CLIC1: variants seen among roughly 807,000 people sequenced by gnomAD.
CLIC1 encodes CLIC family member 1.
CLIC1 carries 16 observed loss-of-function variants against 26.4 expected under a neutral mutation model. The observed-to-expected ratio is 0.61, with a 90% CI of 0.41 to 0.92. CLIC1 has a LOEUF of 0.92. Ranked by LOEUF, CLIC1 falls within the 40% of genes least tolerant of loss-of-function variation. The pLI is 0.00. For synonymous variants in CLIC1, 98 were observed against 120.8 expected (o/e 0.81, Z 1.24); for missense variants, 225 against 289.7 (o/e 0.78, Z 1.62).
In CLIC1 at chr6:31,734,090, G is replaced by A. The variant is rs1808174561; in HGVS notation, c.149+64C>T. On this transcript the variant is annotated intron_variant, in intron 2 of 5. Transcript: ENST00000375784. The surrounding 1 kb of genome is among the most constrained non-coding windows in gnomAD (Gnocchi z 5.3). ...AAAATGTTCATGACAGAAGGACTCG[G>A]GTGGGTGTGTGTTTGCACACATGTG... 6.3e-7 allele frequency: 1 copy of A among 1,580,510 alleles called. No individual in the cohort carries two copies. Among genetic ancestry groups the A allele is most frequent in the South Asian group, 1.1e-5 (1 of 90,432 alleles).
At position 31,732,210 on chromosome 6, in the gene CLIC1, C is replaced by G; in HGVS notation, c.564+7G>C. ...GGTCATCCTCTCCTCCCGCAATAAC[C>G]ACACACCTGTACTATGTGTAACTTT... On this transcript the variant is annotated splice_region_variant and intron_variant, in intron 5 of 5. Transcript: ENST00000375784. This position sits in a 1 kb window ranked among gnomAD's most constrained non-coding sequence, Gnocchi z 5.0. 1 of 1,465,964 alleles carries G rather than the reference C, an allele frequency of 6.8e-7. No homozygotes were observed. Among genetic ancestry groups the G allele is most frequent in the Non-Finnish European group, 9.1e-7 (1 of 1,100,856 alleles). 90.8% of individuals were successfully genotyped at this position (1,465,964 alleles called of 1,614,324 possible). A position where few individuals can be genotyped will look rare whatever the true frequency, so the allele number is the denominator to read the frequency against.
In CLIC1 at chr6:31,730,889, C is replaced by T; in HGVS notation, c.679G>A (p.Glu227Lys). The change falls in exon 6 of 6, where the codon GAG becomes AAG. Residue 227 changes from glutamate to lysine, a missense_variant. Coordinates refer to ENST00000375784, the Ensembl canonical transcript of CLIC1. This position sits in a 1 kb window ranked among gnomAD's most constrained non-coding sequence, Gnocchi z 5.1. ...TGCTCATAGGCGAGCTCGATCTCCT[C>T]ATCATCTGGACAGGTGGAAGCGAAT... 1 of 1,613,112 alleles carries T rather than the reference C, an allele frequency of 6.2e-7. No individual in the cohort carries two copies. Among genetic ancestry groups the T allele is most frequent in the East Asian group, 2.2e-5 (1 of 44,888 alleles).
chr6:31,730,720 C>T lies in CLIC1; in HGVS notation c.*122G>A, dbSNP rs1354545668. 7 of 1,047,686 alleles carry T rather than the reference C, an allele frequency of 6.7e-6. No homozygotes were observed. The highest frequency in any genetic ancestry group is 4.8e-5 in the African/African-American group (3 of 63,036). The allele number at this position is 1,047,686 out of a possible 1,614,324, so 64.9% of individuals were successfully genotyped here. A position where few individuals can be genotyped will look rare whatever the true frequency, so the allele number is the denominator to read the frequency against. On this transcript the variant is annotated 3_prime_UTR_variant, in exon 6 of 6. Transcript: ENST00000375784. The surrounding 1 kb of genome is among the most constrained non-coding windows in gnomAD (Gnocchi z 5.1). ...CCTCTTCCACCACACCATCCCGGAA[C>T]AAGTGCTCCAGGATTCCCTGCCCAC...
In CLIC1 at chr6:31,736,221, C is replaced by G; in HGVS notation, c.39+41G>C. Reference sequence around the variant, plus strand: ...GGACCGGGGGAAAGGTGAGAGTTGGCTTCCAGGAATTTGGGTGGCTGAGGA... The same window carrying G: ...GGACCGGGGGAAAGGTGAGAGTTGGGTTCCAGGAATTTGGGTGGCTGAGGA... On this transcript the variant is annotated intron_variant, in intron 1 of 5. Transcript: ENST00000375784. This position sits in a 1 kb window ranked among gnomAD's most constrained non-coding sequence, Gnocchi z 5.0. 6.2e-7 allele frequency: 1 copy of G among 1,608,674 alleles called. No homozygotes were observed. Among genetic ancestry groups the G allele is most frequent in the Admixed American group, 1.7e-5 (1 of 59,966 alleles).
rs779934196 is a variant in CLIC1 at position 31,730,771 on chromosome 6, G to C, written c.*71C>G. The C allele has an allele frequency of 2.0e-6, 3 of 1,535,608 alleles. No individual in the cohort carries two copies. Among genetic ancestry groups the C allele is most frequent in the Non-Finnish European group, 2.7e-6 (3 of 1,116,202 alleles). ...TGGCCATTTTGGAGTGTGTCCATTG[G>C]GTAGCAATGTGGAAACCACCAGGGC... On this transcript the variant is annotated 3_prime_UTR_variant, in exon 6 of 6. Transcript: ENST00000375784. The surrounding 1 kb of genome is among the most constrained non-coding windows in gnomAD (Gnocchi z 5.1).
At chr6:31,735,805 AT>A (rs1177291841) in intron 1 of CLIC1, among the ~76,000 whole-genome samples, 1 of 119,670 alleles carries the variant, frequency 8.4e-6, no homozygotes, top group East Asian at 2.4e-4. Flanking sequence ...AAGCGTCTCC[AT>A]CCACACACAC....
In CLIC1 at chr6:31,733,905, T is replaced by C. The variant is rs747988662; in HGVS notation, c.206A>G (p.Tyr69Cys). The change falls in exon 3 of 6, where the codon TAT (tyrosine) becomes TGT (cysteine). Residue 69 changes from tyrosine to cysteine, a missense_variant. Transcript: ENST00000375784. This position sits in a 1 kb window ranked among gnomAD's most constrained non-coding sequence, Gnocchi z 5.4. ...GGTGTCTGTGTGCACTTCAGTGCCA[T>C]ACAGCAGGAATGGGAGCTGCCCCCC... 7 of 1,613,972 alleles carry C rather than the reference T, an allele frequency of 4.3e-6. No homozygotes were observed. The Admixed American group carries it at 1.2e-4, about 27-fold the overall frequency.
At position 31,732,370 on chromosome 6, in the gene CLIC1, CA is replaced by C. The variant is rs1387793252; in HGVS notation, c.410del (p.Leu137ArgfsTer4). 3 of 1,555,132 alleles carry C rather than the reference CA, an allele frequency of 1.9e-6. No individual in the cohort carries two copies. The highest frequency in any genetic ancestry group is 2.0e-5 in the Admixed American group (1 of 50,710). ...ATGTTAAGTAATTGTCTAAAACCTTCAGGGCTTTCAGGAGTCCCTTCTCCAG... is the reference window on the plus strand; with the variant it reads ...ATGTTAAGTAATTGTCTAAAACCTTCGGGCTTTCAGGAGTCCCTTCTCCAG... On this transcript the variant is annotated frameshift_variant, in exon 5 of 6. Coordinates refer to ENST00000375784, the Ensembl canonical transcript of CLIC1. LOFTEE classifies it high-confidence loss of function. This position sits in a 1 kb window ranked among gnomAD's most constrained non-coding sequence, Gnocchi z 5.0.
At position 31,730,676 on chromosome 6, in the gene CLIC1, C is replaced by G; in HGVS notation, c.*166G>C. On this transcript the variant is annotated 3_prime_UTR_variant, in exon 6 of 6. Coordinates refer to ENST00000375784, the Ensembl canonical transcript of CLIC1. This position sits in a 1 kb window ranked among gnomAD's most constrained non-coding sequence, Gnocchi z 5.1. ...ACAATAAAAATCTGACCCAGGCCCCCCATTTCTTTCCCTCATCCCCTCTTC... is the reference window on the plus strand; with the variant it reads ...ACAATAAAAATCTGACCCAGGCCCCGCATTTCTTTCCCTCATCCCCTCTTC... 1 of 661,678 alleles carries G rather than the reference C, an allele frequency of 1.5e-6. No individual in the cohort carries two copies. Among genetic ancestry groups the G allele is most frequent in the Non-Finnish European group, 2.6e-6 (1 of 384,474 alleles). The allele number at this position is 661,678 out of a possible 1,614,324, so 41.0% of individuals were successfully genotyped here.
In CLIC1 at chr6:31,732,231, A is replaced by G; in HGVS notation, c.550T>C (p.Leu184=). The G allele has an allele frequency of 6.4e-7, 1 of 1,558,840 alleles. No individual in the cohort carries two copies. The highest frequency in any genetic ancestry group is 8.7e-7 in the Non-Finnish European group (1 of 1,152,518). The stretch of plus-strand genomic sequence containing the variant: ...TAACCACACACCTGTACTATGTGTA[A>G]CTTTGGCAACAGGTTGCAGTCAGCC... Residue 184 remains leucine, a synonymous_variant, in exon 5 of 6, where the codon TTA becomes CTA. Coordinates refer to ENST00000375784, the Ensembl canonical transcript of CLIC1. The surrounding 1 kb of genome is among the most constrained non-coding windows in gnomAD (Gnocchi z 5.0).
upstream of CLIC1, chr6:31,736,629 C>T: frequency 1.6e-6 from 2 of 1,221,836 alleles, no homozygotes; most frequent in Non-Finnish European, 2.1e-6. This position sits in a 1 kb window ranked among gnomAD's most constrained non-coding sequence, Gnocchi z 5.0. Flanking sequence ...AAGGGGAATC[C>T]TCGGATCTCC....
At chr6:31,737,288 G>A (rs968986408), upstream of CLIC1, 2 of 152,224 alleles carry the variant, frequency 1.3e-5, no homozygotes, top group African/African-American at 4.8e-5. Flanking sequence ...GCCAGGCGGG[G>A]TGGTGGGCAC....
At chr6:31,737,025 G>A, upstream of CLIC1, 2 of 858,126 alleles carry the variant, frequency 2.3e-6, no homozygotes, top group Non-Finnish European at 2.8e-6. Context: ...TGCCCAGACT[G>A]GTGTCTCAGT....
At chr6:31,736,777 T>TA, upstream of CLIC1, 1 of 993,524 alleles carries the variant, frequency 1.0e-6, no homozygotes, top group Non-Finnish European at 1.2e-6. This position sits in a 1 kb window ranked among gnomAD's most constrained non-coding sequence, Gnocchi z 5.0. Flanking sequence ...GACCCTCATA[T>TA]AAAAAACTTG....
In CLIC1 at chr6:31,732,416, C is replaced by A; in HGVS notation, c.383-18G>T. 1 of 1,422,142 alleles carries A rather than the reference C, an allele frequency of 7.0e-7. No homozygotes were observed. Among genetic ancestry groups the A allele is most frequent in the South Asian group, 1.6e-5 (1 of 60,836 alleles). 88.1% of individuals were successfully genotyped at this position (1,422,142 alleles called of 1,614,324 possible). ...CTCCAGATCTGTGCAAGAGAGGGAA[C>A]TGATTAGAACTTCAGGAAAAGATTG... On this transcript the variant is annotated intron_variant, in intron 4 of 5. Coordinates refer to ENST00000375784, the Ensembl canonical transcript of CLIC1. This position sits in a 1 kb window ranked among gnomAD's most constrained non-coding sequence, Gnocchi z 5.0.
chr6:31,736,333 T>G lies in CLIC1; in HGVS notation c.-33A>C, dbSNP rs767435569. 3 of 1,612,542 alleles carry G rather than the reference T, an allele frequency of 1.9e-6. No individual in the cohort carries two copies. Among genetic ancestry groups the G allele is most frequent in the Non-Finnish European group, 2.5e-6 (3 of 1,179,950 alleles). On this transcript the variant is annotated 5_prime_UTR_variant, in exon 1 of 6. Coordinates refer to ENST00000375784, the Ensembl canonical transcript of CLIC1. The surrounding 1 kb of genome is among the most constrained non-coding windows in gnomAD (Gnocchi z 5.0). ...TCGGGGACCAGGAAGTGGCCGTCCC[T>G]GGGGGAACTGGGAGGGGCTGGGACC...
rs1000242585 is a variant in CLIC1 at position 31,732,712 on chromosome 6, A to G, written c.383-314T>C. 6.6e-6 allele frequency among the ~76,000 whole-genome samples: 1 copy of G among 151,750 alleles called. No homozygotes were observed. The highest frequency in any genetic ancestry group is 2.4e-5 in the African/African-American group (1 of 41,336). ...AGGTGCCTGCCACCACAACTGGCTA[A>G]TTTTTGTATTTTTTTCAGTAGAGAC... On this transcript the variant is annotated intron_variant, in intron 4 of 5. Transcript: ENST00000375784. This position sits in a 1 kb window ranked among gnomAD's most constrained non-coding sequence, Gnocchi z 5.0.
In CLIC1 at chr6:31,733,692, A is replaced by C. The variant is rs747763162; in HGVS notation, c.276-20T>G. 1.2e-6 allele frequency: 2 copies of C among 1,611,466 alleles called. No homozygotes were observed. The highest frequency in any genetic ancestry group is 1.7e-5 in the Admixed American group (1 of 60,024). ...GGGTACCTGAAAGCCAATGGGAAAA[A>C]TGAGGTAAGATGTCTTCCTGGGAGG... On this transcript the variant is annotated intron_variant, in intron 3 of 5. Transcript: ENST00000375784. The surrounding 1 kb of genome is among the most constrained non-coding windows in gnomAD (Gnocchi z 5.4).
chr6:31,732,202 G>T lies in CLIC1; in HGVS notation c.564+15C>A. ...ACTCCAGTGGTCATCCTCTCCTCCC[G>T]CAATAACCACACACCTGTACTATGT... On this transcript the variant is annotated intron_variant, in intron 5 of 5. Transcript: ENST00000375784. The surrounding 1 kb of genome is among the most constrained non-coding windows in gnomAD (Gnocchi z 5.0). The T allele has an allele frequency of 7.0e-7, 1 of 1,428,766 alleles. No homozygotes were observed. The highest frequency in any genetic ancestry group is 1.6e-5 in the South Asian group (1 of 61,560). The allele number at this position is 1,428,766 out of a possible 1,614,324, so 88.5% of individuals were successfully genotyped here.
Sources: gnomAD v4.1 joint callset for allele counts (sites outside exome capture counted in the v4.1 genomes callset) on GRCh38, gnomAD v4.1.1 for gene constraint, Gnocchi (gnomAD v3.1) non-coding constraint, MANE v1.5 for transcripts, NCBI Gene and HGNC (gene_info 2026-07-23, HGNC 2026-07-21) for gene names.